PITPNC1: variants seen among roughly 807,000 people sequenced by gnomAD.
PITPNC1 encodes the protein phosphatidylinositol transfer protein cytoplasmic 1.
Under a neutral mutation model 44.7 loss-of-function variants are expected in PITPNC1, and 18 were observed. That is an observed-to-expected ratio of 0.40 (90% CI 0.28 to 0.60). The LOEUF is 0.60. Among genes scored for constraint, PITPNC1 ranks in the 20% least tolerant of loss-of-function variants. The probability of loss-of-function intolerance (pLI) is 0.39; values close to 1 mark genes in which losing one functional copy is unlikely to be tolerated. For synonymous variants in PITPNC1, 141 were observed against 149.6 expected (o/e 0.94, Z 0.42); for missense variants, 290 against 418.4 (o/e 0.69, Z 2.68).
chr17:67,562,224 G>A (rs1386285831), intron 4 of PITPNC1, among the ~76,000 whole-genome samples: 2 of 152,226 alleles, frequency 1.3e-5, no homozygotes, highest in Admixed American at 6.5e-5. Flanking sequence ...GGATCCATGA[G>A]TGAATGAACT....
rs1216382259 is a variant in PITPNC1, at chr17:67,626,926, T to C, written c.367-5217T>C. On this transcript the variant is annotated intron_variant, in intron 5 of 8. Coordinates refer to ENST00000581322, the MANE Select transcript of PITPNC1 (RefSeq NM_012417.4). ...CTTCTGTTAGTTCTCCAGGCACTTA[T>C]TGAGCACCTATGAACATCTCTTAAG... Among the ~76,000 whole-genome samples the C allele has an allele frequency of 2.6e-5, 4 of 152,174 alleles. 1 individual carries two copies. The South Asian group carries it at 6.2e-4, about 24-fold the overall frequency.
chr17:67,425,193 GCACGCACACGCACACACACACACACA>G lies in PITPNC1; in HGVS notation c.48+46995_48+47020del, dbSNP rs1346371525. On this transcript the variant is annotated intron_variant, in intron 1 of 8. Transcript: ENST00000581322. Reference sequence around the variant, plus strand: ...AAATAAACAGCCATGTTGTGCGCGCGCACGCACACGCACACACACACACACACACACACACACACACACACACACAC... The same window carrying G: ...AAATAAACAGCCATGTTGTGCGCGCGCACACACACACACACACACACACAC... Among the ~76,000 whole-genome samples the G allele has an allele frequency of 1.8e-3, 96 of 52,120 alleles. 4 individuals carry two copies. Among genetic ancestry groups the G allele is most frequent in the South Asian group, 0.012 (26 of 2,092 alleles). The allele number at this position is 52,120 out of a possible 152,430, so 34.2% of individuals were successfully genotyped here. A position where few individuals can be genotyped will look rare whatever the true frequency, so the allele number is the denominator to read the frequency against.
At chr17:67,381,228 T>C (rs1455695386) in intron 1 of PITPNC1, among the ~76,000 whole-genome samples, 1 of 147,304 alleles carries the variant, frequency 6.8e-6, no homozygotes, top group Non-Finnish European at 1.5e-5. Flanking sequence ...CTTGGGACGC[T>C]GAGGCAGTAG....
chr17:67,410,944 G>A (rs1343331284), intron 1 of PITPNC1, among the ~76,000 whole-genome samples: 4 of 151,824 alleles, frequency 2.6e-5, no homozygotes, highest in Non-Finnish European at 4.4e-5. Context: ...TTAGCCGGGC[G>A]TGGTGTTGGG....
At chr17:67,490,469 C>T (rs2039848948) in intron 1 of PITPNC1, among the ~76,000 whole-genome samples, 1 of 151,696 alleles carries the variant, frequency 6.6e-6, no homozygotes, top group Non-Finnish European at 1.5e-5. Context: ...TCTGACATAC[C>T]ACGACTCTGA....
In PITPNC1 at chr17:67,631,673, A is replaced by AT. The variant is rs1380540532; in HGVS notation, c.367-470_367-469insT. On this transcript the variant is annotated intron_variant, in intron 5 of 8. Coordinates refer to ENST00000581322, the MANE Select transcript of PITPNC1 (RefSeq NM_012417.4). ...AAAAAAAAAAATATATATATATATA[A>AT]AATATATATTTTTAACATATATATA... Among the ~76,000 whole-genome samples the AT allele has an allele frequency of 3.7e-3, 194 of 52,496 alleles. 9 individuals carry two copies. Among genetic ancestry groups the AT allele is most frequent in the African/African-American group, 0.012 (190 of 15,958 alleles). The allele number at this position is 52,496 out of a possible 152,430, so 34.4% of individuals were successfully genotyped here.
rs1390261351 is a variant in PITPNC1, at chr17:67,594,523, G to C, written c.366+16266G>C. On this transcript the variant is annotated intron_variant, in intron 5 of 8. Coordinates refer to ENST00000581322, the MANE Select transcript of PITPNC1 (RefSeq NM_012417.4). Reference sequence around the variant, plus strand: ...TCACTTTTTCAAAGTGGAGAAAGGAGTGGTTACTGGTGCAAGCAGCAGACC... The same window carrying C: ...TCACTTTTTCAAAGTGGAGAAAGGACTGGTTACTGGTGCAAGCAGCAGACC... Among the ~76,000 whole-genome samples the C allele has an allele frequency of 5.3e-5, 8 of 152,154 alleles. No homozygotes were observed. In the East Asian group the frequency reaches 1.5e-3, roughly 29 times the overall value.
intron 5 of PITPNC1, among the ~76,000 whole-genome samples, chr17:67,581,747 G>A (rs565811801): frequency 4.5e-4 from 69 of 152,142 alleles, no homozygotes; most frequent in Non-Finnish European, 7.6e-4. Context: ...GAAAAGGAGC[G>A]TTGCGCCGAG....
At position 67,443,571 on chromosome 17, in the gene PITPNC1, CA is replaced by C. The variant is rs1299196398; in HGVS notation, c.48+65371del. Reference sequence around the variant, plus strand: ...GACACAGTGAAAAAGGCAGGAACAGCAACCATAAAAAATCCATGAAAAACAA... The same window carrying C: ...GACACAGTGAAAAAGGCAGGAACAGCACCATAAAAAATCCATGAAAAACAA... On this transcript the variant is annotated intron_variant, in intron 1 of 8. Coordinates refer to ENST00000581322, the MANE Select transcript of PITPNC1 (RefSeq NM_012417.4). Among the ~76,000 whole-genome samples the C allele has an allele frequency of 8.1e-5, 12 of 148,838 alleles. No individual in the cohort carries two copies. In the East Asian group the frequency reaches 2.2e-3, roughly 27 times the overall value.
chr17:67,582,743 A>T (rs1270243109), intron 5 of PITPNC1, among the ~76,000 whole-genome samples: 1 of 152,216 alleles, frequency 6.6e-6, no homozygotes, highest in Admixed American at 6.5e-5. Flanking sequence ...TTATGCACAT[A>T]CTTATGAGAA....
At chr17:67,605,532 A>G (rs191433723) in intron 5 of PITPNC1, among the ~76,000 whole-genome samples, 55 of 152,266 alleles carry the variant, frequency 3.6e-4, no homozygotes, top group Non-Finnish European at 6.9e-4. Flanking sequence ...TTCCTTAATG[A>G]AGATTTTAGC....
intron 5 of PITPNC1, among the ~76,000 whole-genome samples, chr17:67,608,666 G>GTTTTT (rs373586575): frequency 1.6e-5 from 2 of 128,036 alleles, no homozygotes; most frequent in Non-Finnish European, 3.3e-5. Context: ...AGTTTTTCTA[G>GTTTTT]TTTTTTTTTT....
chr17:67,411,791 T>C (rs1370624854), intron 1 of PITPNC1, among the ~76,000 whole-genome samples: 1 of 152,100 alleles, frequency 6.6e-6, no homozygotes, highest in East Asian at 1.9e-4. Flanking sequence ...TAATAAGGGC[T>C]AAGCACTTAT....
chr17:67,462,217 C>CTTT (rs2039348729), intron 1 of PITPNC1, among the ~76,000 whole-genome samples: 2 of 96,226 alleles, frequency 2.1e-5, no homozygotes, highest in Non-Finnish European at 4.3e-5. Context: ...TTTTCTCTTT[C>CTTT]TTTCTTTCTT....
chr17:67,569,910 A>C (rs1419819365), intron 4 of PITPNC1, among the ~76,000 whole-genome samples: 1 of 152,202 alleles, frequency 6.6e-6, no homozygotes, highest in Non-Finnish European at 1.5e-5. Context: ...GATAAAAAAG[A>C]AAAGATTTTT....
intron 4 of PITPNC1, among the ~76,000 whole-genome samples, chr17:67,576,661 C>G (rs2041154045): frequency 6.6e-6 from 1 of 152,192 alleles, no homozygotes; most frequent in Non-Finnish European, 1.5e-5. Context: ...TCAAAATTCT[C>G]TTCTTAAGCC....
chr17:67,585,585 T>C (rs1365830830), intron 5 of PITPNC1, among the ~76,000 whole-genome samples: 1 of 151,962 alleles, frequency 6.6e-6, no homozygotes. Flanking sequence ...GGCGGATCGC[T>C]TAAGCTCAAG....
chr17:67,561,886 ACGCCTGGCCCTATCT>A (rs1401320185), intron 4 of PITPNC1, among the ~76,000 whole-genome samples: 2 of 152,164 alleles, frequency 1.3e-5, no homozygotes, highest in African/African-American at 4.8e-5. Flanking sequence ...GTGAGCCATC[ACGCCTGGCCCTATCT>A]CTGTTATTTA....
chr17:67,400,814 T>C (rs1395259355), intron 1 of PITPNC1, among the ~76,000 whole-genome samples: 1 of 150,358 alleles, frequency 6.7e-6, no homozygotes, highest in Non-Finnish European at 1.5e-5. Context: ...AAAATACATA[T>C]ATAAATATAT....
Sources: gnomAD v4.1 joint callset for allele counts (sites outside exome capture counted in the v4.1 genomes callset) on GRCh38, gnomAD v4.1.1 for gene constraint, MANE v1.5 for transcripts, NCBI Gene and HGNC (gene_info 2026-07-23, HGNC 2026-07-21) for gene names.